Variants in SDC1 observed in about 807,000 individuals in gnomAD.
SDC1 encodes the protein syndecan 1, also known as syndecan-1.
In SDC1, 14 loss-of-function variants were observed where a neutral mutation model predicts 29.7. The observed-to-expected ratio is 0.47, with a 90% CI of 0.31 to 0.74. The LOEUF (loss-of-function observed/expected upper bound fraction) is 0.74. Ranked by LOEUF, SDC1 falls within the 30% of genes least tolerant of loss-of-function variation. SDC1 has a pLI of 0.05. For synonymous variants in SDC1, 204 were observed against 175.5 expected, an observed-to-expected ratio of 1.16 and a Z score of -1.29; for missense variants, 406 against 400.3, an observed-to-expected ratio of 1.01 and a Z score of -0.12.
intron 1 of SDC1, among the ~76,000 whole-genome samples, chr2:20,213,370 T>C (rs1432419916): frequency 1.3e-5 from 2 of 152,192 alleles, no homozygotes; most frequent in Admixed American, 6.5e-5. Context: ...GCAGCCTCAG[T>C]GCCTAGTTCT....
chr2:20,221,950 C>T (rs908241762), intron 1 of SDC1, among the ~76,000 whole-genome samples: 1 of 152,180 alleles, frequency 6.6e-6, no homozygotes, highest in Non-Finnish European at 1.5e-5. Flanking sequence ...GGGAAAATGT[C>T]TCTACTAGCC....
intron 3 of SDC1, among the ~76,000 whole-genome samples, 188 bp from the exon 4 acceptor site, chr2:20,203,410 G>C (rs1422966483): frequency 6.6e-6 from 1 of 152,206 alleles, no homozygotes; most frequent in Non-Finnish European, 1.5e-5. Context: ...CCGGACCCTG[G>C]CTGGACCATG....
At chr2:20,223,296 A>C (rs76671755) in intron 1 of SDC1, 169 of 1,294,546 alleles carry the variant, frequency 1.3e-4, no homozygotes, top group Non-Finnish European at 1.6e-4. Flanking sequence ...GAAAAAAAAA[A>C]CCAAAGCGCT....
intron 2 of SDC1, among the ~76,000 whole-genome samples, chr2:20,204,654 T>A (rs1035056470): frequency 6.6e-6 from 1 of 151,936 alleles, no homozygotes; most frequent in African/African-American, 2.4e-5. Flanking sequence ...GGCCCCACCC[T>A]CCCTGAAAAA....
chr2:20,225,121 T>C lies in SDC1; in HGVS notation c.-254A>G. 3.2e-6 allele frequency: 1 copy of C among 313,608 alleles called. No homozygotes were observed. Among genetic ancestry groups the C allele is most frequent in the Non-Finnish European group, 5.4e-6 (1 of 183,692 alleles). The allele number at this position is 313,608 out of a possible 1,614,324, so 19.4% of individuals were successfully genotyped here. A position where few individuals can be genotyped will look rare whatever the true frequency, so the allele number is the denominator to read the frequency against. On this transcript the variant is annotated 5_prime_UTR_variant, in exon 1 of 5. Coordinates refer to ENST00000254351, the MANE Select transcript of SDC1 (RefSeq NM_002997.5). ...AACCCACAGGCCCTTCCTTAGCCGT[T>C]GCAAAAACTGGCCCCCCACCCCCAG...
chr2:20,205,325 C>T lies in SDC1; in HGVS notation c.148+18G>A, dbSNP rs543365264. On this transcript the variant is annotated intron_variant, in intron 2 of 4. Coordinates refer to ENST00000254351, the MANE Select transcript of SDC1 (RefSeq NM_002997.5). Reference sequence around the variant, plus strand: ...CTGTTGCCGTCTTGGGTGGGGGGGGCCCCCATGACAACCTCACCTGCACCT... The same window carrying T: ...CTGTTGCCGTCTTGGGTGGGGGGGGTCCCCATGACAACCTCACCTGCACCT... 1.2e-5 allele frequency: 19 copies of T among 1,596,070 alleles called. 1 individual carries two copies. In the African/African-American group the frequency reaches 1.5e-4, roughly 12 times the overall value.
At chr2:20,211,137 G>T (rs1169646316) in intron 1 of SDC1, among the ~76,000 whole-genome samples, 1 of 152,140 alleles carries the variant, frequency 6.6e-6, no homozygotes, top group African/African-American at 2.4e-5. Flanking sequence ...CAGACTGGGG[G>T]CTCTCAGCTT....
Position 20,203,190 on chromosome 2 carries a change from C to A in SDC1, c.660G>T (p.Thr220=), listed in dbSNP as rs1302931946. 3.7e-6 allele frequency: 6 copies of A among 1,611,606 alleles called. No individual in the cohort carries two copies. The African/African-American group carries it at 6.7e-5, about 18-fold the overall frequency. ...GGTCAGGCTCCACGGCCACTACAGC[C>A]GTATTCTCCCCCGAGGTTTCAAAGG... The part of the protein sequence containing the change: ...DFTFETSGEN[T]AVVAVEPDRR... Residue 220 remains threonine (T), a synonymous_variant, in exon 4 of 5, where the codon ACG becomes ACT. Transcript: ENST00000254351.
In SDC1 at chr2:20,202,171, G is replaced by C. The variant is rs1381979170; in HGVS notation, c.*595C>G. The stretch of plus-strand genomic sequence containing the variant: ...ATAGATTAGGGAAGCAAGATGGGGG[G>C]ATACCGAATCAACTTACTTAACTTA... On this transcript the variant is annotated 3_prime_UTR_variant, in exon 5 of 5. Transcript: ENST00000254351. 1.0e-5 allele frequency: 7 copies of C among 673,470 alleles called. No homozygotes were observed. The highest frequency in any genetic ancestry group is 4.5e-5 in the Admixed American group (2 of 44,836). The allele number at this position is 673,470 out of a possible 1,614,324, so 41.7% of individuals were successfully genotyped here.
At chr2:20,219,061 G>A (rs1677728591) in intron 1 of SDC1, among the ~76,000 whole-genome samples, 1 of 152,188 alleles carries the variant, frequency 6.6e-6, no homozygotes. Flanking sequence ...AGGTCGCTGG[G>A]CAAGTGACTG....
At chr2:20,207,993 A>G in intron 1 of SDC1, 3 of 985,412 alleles carry the variant, frequency 3.0e-6, no homozygotes, top group Non-Finnish European at 1.2e-6. Flanking sequence ...CGCCTCCCCC[A>G]AGAGAAAGCT....
intron 1 of SDC1, among the ~76,000 whole-genome samples, chr2:20,208,925 G>A (rs1677372981): frequency 1.3e-5 from 2 of 152,222 alleles, no homozygotes; most frequent in Admixed American, 1.3e-4. Flanking sequence ...TCAAAGCAAG[G>A]GATGCCTTGC....
rs1335636412 is a variant in SDC1, at chr2:20,202,754, A to G, written c.*12T>C. On this transcript the variant is annotated 3_prime_UTR_variant, in exon 5 of 5. Coordinates refer to ENST00000254351, the MANE Select transcript of SDC1 (RefSeq NM_002997.5). The stretch of plus-strand genomic sequence containing the variant: ...GTGAGTGGCAGGGCGGAGGGGGCGC[A>G]TGGCTCCCGCGTCAGGCATAGAATT... 1.3e-6 allele frequency: 2 copies of G among 1,585,496 alleles called. No homozygotes were observed. The highest frequency in any genetic ancestry group is 1.3e-5 in the African/African-American group (1 of 74,248).
At position 20,224,675 on chromosome 2, in the gene SDC1, G is replaced by C; in HGVS notation, c.66+127C>G. 2 of 1,117,464 alleles carry C rather than the reference G, an allele frequency of 1.8e-6. No homozygotes were observed. Among genetic ancestry groups the C allele is most frequent in the Non-Finnish European group, 2.2e-6 (2 of 896,584 alleles). The allele number at this position is 1,117,464 out of a possible 1,614,324, so 69.2% of individuals were successfully genotyped here. On this transcript the variant is annotated intron_variant, in intron 1 of 4. Coordinates refer to ENST00000254351, the MANE Select transcript of SDC1 (RefSeq NM_002997.5). This position sits in a 1 kb window ranked among gnomAD's most constrained non-coding sequence, Gnocchi z 4.9. ...CTCGGGGCTCACCGTCCCGGGACCCGCTGGGCTAGCGCGGGAAGAAGGGAA... is the reference window on the plus strand; with the variant it reads ...CTCGGGGCTCACCGTCCCGGGACCCCCTGGGCTAGCGCGGGAAGAAGGGAA...
intron 1 of SDC1, among the ~76,000 whole-genome samples, chr2:20,222,297 T>C (rs1677847725): frequency 6.6e-6 from 1 of 152,144 alleles, no homozygotes; most frequent in Admixed American, 6.5e-5. Context: ...GAGGGTCAGA[T>C]CTCTGCCACT....
chr2:20,205,328 C>G lies in SDC1; in HGVS notation c.148+15G>C. 6.2e-7 allele frequency: 1 copy of G among 1,611,924 alleles called. No homozygotes were observed. Among genetic ancestry groups the G allele is most frequent in the Non-Finnish European group, 8.5e-7 (1 of 1,178,552 alleles). ...TTGCCGTCTTGGGTGGGGGGGGCCC[C>G]CATGACAACCTCACCTGCACCTGAG... On this transcript the variant is annotated intron_variant, in intron 2 of 4. Transcript: ENST00000254351.
chr2:20,220,359 A>G (rs955993906), intron 1 of SDC1, among the ~76,000 whole-genome samples: 1 of 152,048 alleles, frequency 6.6e-6, no homozygotes, highest in African/African-American at 2.4e-5. Flanking sequence ...ACCCATACAC[A>G]TGCGCACACA....
intron 1 of SDC1, among the ~76,000 whole-genome samples, chr2:20,219,052 G>A (rs979955172): frequency 1.3e-5 from 2 of 152,210 alleles, no homozygotes; most frequent in African/African-American, 4.8e-5. Context: ...CAGCAGGAGA[G>A]GTCGCTGGGC....
chr2:20,204,370 G>A (rs1305285972), intron 2 of SDC1, 79 bp from the exon 3 acceptor site: 9 of 919,516 alleles, frequency 9.8e-6, no homozygotes, highest in East Asian at 9.6e-5. Flanking sequence ...GGTGGGTCGG[G>A]GGAGGCTCCA....
Sources: allele counts gnomAD v4.1 joint callset (sites outside exome capture counted in the v4.1 genomes callset), GRCh38; gene constraint gnomAD v4.1.1; non-coding constraint Gnocchi (gnomAD v3.1); transcripts MANE v1.5; gene names NCBI Gene and HGNC (gene_info 2026-07-23, HGNC 2026-07-21).